Variants in CADM2 observed in about 807,000 individuals in gnomAD.
CADM2 encodes immunoglobulin superfamily member 4D.
CADM2 carries 12 observed loss-of-function variants against 49.8 expected under a neutral mutation model. The ratio of observed to expected loss-of-function variants is 0.24; its 90% confidence interval spans 0.15 to 0.39. CADM2 has a LOEUF of 0.39. Among genes scored for constraint, CADM2 ranks in the 10% least tolerant of loss-of-function variants. The pLI is 1.00. For missense variants in CADM2, 378 were observed against 492.3 expected (o/e 0.77, Z 2.20); for synonymous variants, 214 against 175.4 (o/e 1.22, Z -1.74).
chr3:85,816,548 GA>G (rs1179468746), intron 3 of CADM2, among the ~76,000 whole-genome samples: 1 of 152,062 alleles, frequency 6.6e-6, no homozygotes, highest in Non-Finnish European at 1.5e-5. Context: ...TCTTTTAATA[GA>G]ATAGATACTT....
At chr3:85,455,929 CA>C (rs1409410953) in intron 1 of CADM2, among the ~76,000 whole-genome samples, 1 of 152,040 alleles carries the variant, frequency 6.6e-6, no homozygotes, top group Non-Finnish European at 1.5e-5. Context: ...ATAAATTACC[CA>C]AAATAACACA....
intron 1 of CADM2, among the ~76,000 whole-genome samples, chr3:85,411,354 G>C (rs1304940361): frequency 3.9e-5 from 6 of 152,110 alleles, no homozygotes; most frequent in Non-Finnish European, 5.9e-5. Flanking sequence ...CACCTGCTGA[G>C]TTAAATGTTA....
chr3:85,758,775 T>G lies in CADM2; in HGVS notation c.88+32227T>G, dbSNP rs541685999. On this transcript the variant is annotated intron_variant, in intron 2 of 9. Coordinates refer to ENST00000383699, the MANE Select transcript of CADM2 (RefSeq NM_001167675.2). ...TGCCAATTTCACTTGAAGTAGTTGA[T>G]CTCACATTAATGAGTCTTTTTTGGT... Among the ~76,000 whole-genome samples the G allele has an allele frequency of 8.8e-4, 134 of 152,252 alleles. 3 individuals carry two copies. The South Asian group carries it at 0.027, about 30-fold the overall frequency.
chr3:85,035,422 T>C (rs1016354883), intron 1 of CADM2, among the ~76,000 whole-genome samples: 3 of 152,200 alleles, frequency 2.0e-5, no homozygotes, highest in Admixed American at 6.5e-5. Flanking sequence ...ATTTTTTGAC[T>C]TGATATTTAC....
chr3:85,956,398 T>C (rs1386976633), intron 7 of CADM2, among the ~76,000 whole-genome samples: 6 of 151,708 alleles, frequency 4.0e-5, no homozygotes. Flanking sequence ...AATATTTTTA[T>C]GGTGATATTA....
At chr3:85,185,071 A>G (rs1220317977) in intron 1 of CADM2, among the ~76,000 whole-genome samples, 3 of 152,138 alleles carry the variant, frequency 2.0e-5, no homozygotes, top group Non-Finnish European at 4.4e-5. Flanking sequence ...GATGACAGAT[A>G]GGGTATTATT....
intron 1 of CADM2, among the ~76,000 whole-genome samples, chr3:85,178,837 G>A (rs2040853219): frequency 6.6e-6 from 1 of 151,624 alleles, no homozygotes; most frequent in African/African-American, 2.4e-5. Flanking sequence ...ACTTCTGAAA[G>A]TTCTCTTTTG....
At chr3:85,095,262 G>A (rs968193308) in intron 1 of CADM2, among the ~76,000 whole-genome samples, 2 of 152,132 alleles carry the variant, frequency 1.3e-5, no homozygotes, top group South Asian at 2.1e-4. Context: ...CATTAGAAAA[G>A]CAATTAATGG....
At chr3:85,958,976 C>T (rs866670908) in intron 7 of CADM2, among the ~76,000 whole-genome samples, 20 of 151,160 alleles carry the variant, frequency 1.3e-4, no homozygotes, top group South Asian at 6.3e-4. Flanking sequence ...AGTATACCTA[C>T]GTAACAAGCC....
chr3:85,351,259 G>A (rs1036204331), intron 1 of CADM2, among the ~76,000 whole-genome samples: 4 of 152,074 alleles, frequency 2.6e-5, no homozygotes, highest in African/African-American at 7.2e-5. Flanking sequence ...GAACTTACAA[G>A]GAAGCTGCCA....
intron 1 of CADM2, among the ~76,000 whole-genome samples, chr3:85,307,872 T>A (rs1218796165): frequency 3.3e-5 from 5 of 151,454 alleles, no homozygotes; most frequent in Admixed American, 1.3e-4. Flanking sequence ...TTTGATTAAG[T>A]TAGAGCTTCA....
intron 1 of CADM2, among the ~76,000 whole-genome samples, chr3:85,523,186 G>A (rs78419946): frequency 0.08 from 12,191 of 152,042 alleles, 947 homozygotes; most frequent in African/African-American, 0.18. Flanking sequence ...TTGAAGCAGA[G>A]CATCTTGGCA....
intron 1 of CADM2, among the ~76,000 whole-genome samples, chr3:85,050,738 A>T (rs1381951230): frequency 6.6e-6 from 1 of 152,200 alleles, no homozygotes; most frequent in African/African-American, 2.4e-5. Flanking sequence ...CTAATTCTAT[A>T]TTCTTAACAT....
intron 1 of CADM2, among the ~76,000 whole-genome samples, chr3:85,605,394 A>G (rs909581145): frequency 6.6e-6 from 1 of 152,034 alleles, no homozygotes; most frequent in African/African-American, 2.4e-5. Context: ...AAGTGCCATT[A>G]AGAACTTGGG....
intron 1 of CADM2, among the ~76,000 whole-genome samples, chr3:85,520,825 C>T (rs894201121): frequency 1.3e-5 from 2 of 151,856 alleles, no homozygotes; most frequent in African/African-American, 4.8e-5. Flanking sequence ...GAGTTTAATT[C>T]CAAATTATTG....
intron 1 of CADM2, among the ~76,000 whole-genome samples, chr3:85,391,313 T>TA (rs1360012658): frequency 6.6e-6 from 1 of 151,974 alleles, no homozygotes; most frequent in African/African-American, 2.4e-5. Flanking sequence ...AGTTTTGTGA[T>TA]AAAAAGAGGA....
At chr3:85,468,569 T>C (rs1184684007) in intron 1 of CADM2, among the ~76,000 whole-genome samples, 7 of 144,574 alleles carry the variant, frequency 4.8e-5, no homozygotes, top group Non-Finnish European at 7.6e-5. Flanking sequence ...GGGGACTTTT[T>C]AAAGAAATTA....
At chr3:85,899,318 G>A (rs1042446891) in intron 5 of CADM2, among the ~76,000 whole-genome samples, 4 of 151,980 alleles carry the variant, frequency 2.6e-5, no homozygotes, top group African/African-American at 9.7e-5. Context: ...TTGTATGTGA[G>A]AAATTTTTAT....
At chr3:85,723,621 T>C (rs1160663389) in intron 1 of CADM2, among the ~76,000 whole-genome samples, 1 of 152,146 alleles carries the variant, frequency 6.6e-6, no homozygotes, top group Non-Finnish European at 1.5e-5. Context: ...TTTTTCTTTC[T>C]ATTCTATGTT....
Sources: gnomAD v4.1 joint callset for allele counts (sites outside exome capture counted in the v4.1 genomes callset) on GRCh38, gnomAD v4.1.1 for gene constraint, MANE v1.5 for transcripts, NCBI Gene and HGNC (gene_info 2026-07-23, HGNC 2026-07-21) for gene names.